EHBP1: variants seen among roughly 807,000 people sequenced by gnomAD.
The protein encoded by EHBP1 is EH domain-binding protein 1.
Under a neutral mutation model 144.0 loss-of-function variants are expected in EHBP1, and 55 were observed. The ratio of observed to expected loss-of-function variants is 0.38; its 90% CI spans 0.31 to 0.48. The LOEUF is 0.48. EHBP1 is among the 20% of genes least tolerant of loss of function. The pLI is 0.98. For synonymous variants in EHBP1, 469 were observed against 472.7 expected (o/e 0.99, Z 0.10); for missense variants, 1,200 against 1,364.2 (o/e 0.88, Z 1.90).
chr2:62,987,160 A>G (rs910106715), intron 15 of EHBP1, among the ~76,000 whole-genome samples: 3 of 152,216 alleles, frequency 2.0e-5, no homozygotes, highest in Admixed American at 6.5e-5. Context: ...AAATTACTGT[A>G]ACAATTTTAT....
At chr2:62,681,764 A>T (rs955518121) in intron 1 of EHBP1, among the ~76,000 whole-genome samples, 14 of 152,192 alleles carry the variant, frequency 9.2e-5, no homozygotes, top group Admixed American at 3.9e-4. Flanking sequence ...ATAAGGGGGA[A>T]TTAGAAGTCC....
At chr2:62,925,452 A>G (rs1048844747) in intron 10 of EHBP1, among the ~76,000 whole-genome samples, 1 of 152,108 alleles carries the variant, frequency 6.6e-6, no homozygotes, top group Non-Finnish European at 1.5e-5. Context: ...AACCAGAAGC[A>G]TATATTCAGG....
chr2:62,814,809 AC>A (rs1428574433), intron 5 of EHBP1, among the ~76,000 whole-genome samples: 2 of 152,222 alleles, frequency 1.3e-5, no homozygotes, highest in African/African-American at 2.4e-5. Flanking sequence ...TACATTGAAG[AC>A]TTCAGGTCAA....
chr2:63,011,855 A>G (rs1270299428), intron 19 of EHBP1, among the ~76,000 whole-genome samples: 1 of 152,032 alleles, frequency 6.6e-6, no homozygotes, highest in Non-Finnish European at 1.5e-5. Context: ...ATTGCAAAGT[A>G]TAGAACTAAT....
chr2:63,015,707 G>T (rs993777276), intron 19 of EHBP1, among the ~76,000 whole-genome samples: 22 of 151,960 alleles, frequency 1.4e-4, no homozygotes, highest in African/African-American at 4.8e-4. Flanking sequence ...AATGAGAAAA[G>T]AGACCATGTC....
At chr2:62,746,783 A>G (rs1253113411) in intron 2 of EHBP1, among the ~76,000 whole-genome samples, 1 of 152,098 alleles carries the variant, frequency 6.6e-6, no homozygotes, top group Non-Finnish European at 1.5e-5. Flanking sequence ...CTGAGATTAG[A>G]AGACCTGTAT....
At chr2:62,806,981 C>G (rs1028854235) in intron 5 of EHBP1, among the ~76,000 whole-genome samples, 2 of 152,104 alleles carry the variant, frequency 1.3e-5, no homozygotes, top group Non-Finnish European at 2.9e-5. Flanking sequence ...TCCAGGACCC[C>G]CTGCAGAACC....
chr2:62,949,973 G>A (rs2057291568), intron 13 of EHBP1, among the ~76,000 whole-genome samples: 1 of 152,076 alleles, frequency 6.6e-6, no homozygotes, highest in Non-Finnish European at 1.5e-5. Context: ...AGCTCTTTTA[G>A]ACTTATTTAG....
chr2:62,863,788 T>C (rs1393218297), intron 8 of EHBP1, among the ~76,000 whole-genome samples: 1 of 151,016 alleles, frequency 6.6e-6, no homozygotes, highest in Non-Finnish European at 1.5e-5. Context: ...GTGAATCAAT[T>C]TCCTGTTCTT....
chr2:62,835,457 C>A (rs1240165768), intron 7 of EHBP1, among the ~76,000 whole-genome samples: 1 of 152,158 alleles, frequency 6.6e-6, no homozygotes, highest in Admixed American at 6.5e-5. Flanking sequence ...TTTTATTTCT[C>A]TACTTACATT....
chr2:62,945,812 G>A (rs1308663799), intron 12 of EHBP1, among the ~76,000 whole-genome samples: 20 of 152,072 alleles, frequency 1.3e-4, no homozygotes, highest in Admixed American at 1.0e-3. Flanking sequence ...GCTGGCCGTA[G>A]AGCAATAAAA....
intron 3 of EHBP1, among the ~76,000 whole-genome samples, chr2:62,760,968 A>T (rs1363209137): frequency 6.6e-6 from 1 of 152,170 alleles, no homozygotes; most frequent in Non-Finnish European, 1.5e-5. Context: ...AGATTCAGTG[A>T]TTACACTCTT....
At chr2:62,970,418 CAG>C (rs1328155425) in intron 14 of EHBP1, among the ~76,000 whole-genome samples, 1 of 151,852 alleles carries the variant, frequency 6.6e-6, no homozygotes, top group Non-Finnish European at 1.5e-5. Flanking sequence ...TTGGTAGAAA[CAG>C]AGTGCTTTTT....
intron 10 of EHBP1, among the ~76,000 whole-genome samples, chr2:62,908,911 C>T (rs182182387): frequency 6.6e-6 from 1 of 152,252 alleles, no homozygotes; most frequent in African/African-American, 2.4e-5. Context: ...TGATATATCT[C>T]CCAGTGCCTA....
intron 5 of EHBP1, among the ~76,000 whole-genome samples, chr2:62,814,821 A>G (rs1177552749): frequency 6.6e-6 from 1 of 152,236 alleles, no homozygotes; most frequent in Non-Finnish European, 1.5e-5. Flanking sequence ...TTCAGGTCAA[A>G]GTGAGACAGG....
intron 6 of EHBP1, among the ~76,000 whole-genome samples, chr2:62,830,411 G>C (rs2046746241): frequency 6.6e-6 from 1 of 152,046 alleles, no homozygotes; most frequent in South Asian, 2.1e-4. Context: ...GGGATTACAG[G>C]CATGAGCCAC....
At chr2:62,961,379 G>A (rs926191161) in intron 14 of EHBP1, among the ~76,000 whole-genome samples, 1 of 151,942 alleles carries the variant, frequency 6.6e-6, no homozygotes, top group African/African-American at 2.4e-5. Context: ...TGTTTCATTT[G>A]CTCCCTGAAA....
chr2:62,707,704 A>G (rs766746534), intron 2 of EHBP1, among the ~76,000 whole-genome samples: 10 of 152,198 alleles, frequency 6.6e-5, no homozygotes, highest in African/African-American at 1.7e-4. Flanking sequence ...ATAGAAGTCT[A>G]TATTCTTGTG....
At chr2:62,916,502 A>T (rs2054626463) in intron 10 of EHBP1, among the ~76,000 whole-genome samples, 1 of 151,854 alleles carries the variant, frequency 6.6e-6, no homozygotes, top group African/African-American at 2.4e-5. Context: ...ATGAGGCTTG[A>T]GAATCACTTG....
Sources: allele counts gnomAD v4.1 joint callset (sites outside exome capture counted in the v4.1 genomes callset), GRCh38; gene constraint gnomAD v4.1.1; transcripts MANE v1.5; gene names NCBI Gene and HGNC (gene_info 2026-07-23, HGNC 2026-07-21).